Variants in GRIA1 observed in about 807,000 individuals in gnomAD.
GRIA1 encodes glutamate receptor 1.
GRIA1 carries 31 observed loss-of-function variants against 99.2 expected under a neutral mutation model. The observed-to-expected ratio is 0.31, with a 90% CI of 0.23 to 0.42. GRIA1 has a LOEUF of 0.42. GRIA1 is among the 10% of genes least tolerant of loss of function. The pLI is 1.00. For missense variants in GRIA1, 782 were observed against 1,157.5 expected (o/e 0.68, Z 4.71); for synonymous variants, 438 against 432.4 (o/e 1.01, Z -0.16).
At chr5:153,545,932 T>C (rs576236090) in intron 2 of GRIA1, among the ~76,000 whole-genome samples, 4 of 152,346 alleles carry the variant, frequency 2.6e-5, no homozygotes, top group Admixed American at 2.6e-4. Flanking sequence ...TTAGCAAATA[T>C]GTCCTCATCA....
intron 4 of GRIA1, among the ~76,000 whole-genome samples, chr5:153,653,512 A>G (rs946294247): frequency 2.0e-5 from 3 of 152,234 alleles, no homozygotes; most frequent in Non-Finnish European, 4.4e-5. Context: ...ATTAGAATAT[A>G]ATACTTTATC....
intron 2 of GRIA1, among the ~76,000 whole-genome samples, chr5:153,508,256 A>G (rs1024493513): frequency 1.3e-5 from 2 of 152,200 alleles, no homozygotes; most frequent in African/African-American, 2.4e-5. Context: ...GAGACATTCT[A>G]TATCTGTGCT....
At chr5:153,564,266 A>G (rs1261354417) in intron 2 of GRIA1, among the ~76,000 whole-genome samples, 2 of 152,164 alleles carry the variant, frequency 1.3e-5, no homozygotes, top group East Asian at 3.9e-4. Flanking sequence ...GAGTCTTCAG[A>G]TGGTGCAGCC....
intron 2 of GRIA1, among the ~76,000 whole-genome samples, chr5:153,528,168 C>T (rs1757777820): frequency 6.6e-6 from 1 of 152,062 alleles, no homozygotes; most frequent in Non-Finnish European, 1.5e-5. Context: ...TTATGTTTCT[C>T]AAAACATATA....
At chr5:153,597,899 C>T (rs1470401818) in intron 2 of GRIA1, among the ~76,000 whole-genome samples, 2 of 151,678 alleles carry the variant, frequency 1.3e-5, no homozygotes, top group Non-Finnish European at 2.9e-5. Flanking sequence ...GTAGTCCCAT[C>T]TACTCAGGAG....
At chr5:153,566,099 A>G (rs755849251) in intron 2 of GRIA1, among the ~76,000 whole-genome samples, 2 of 152,006 alleles carry the variant, frequency 1.3e-5, no homozygotes, top group Non-Finnish European at 2.9e-5. Flanking sequence ...CCAGCAATAT[A>G]TGAGGGTTTC....
rs576404229 is a variant in GRIA1, at chr5:153,590,362, C to T, written c.221-56566C>T. Among the ~76,000 whole-genome samples, 6 of 152,184 alleles carry T rather than the reference C, an allele frequency of 3.9e-5. No homozygotes were observed. The South Asian group carries it at 1.0e-3, about 26-fold the overall frequency. ...AGAATGGCAGATATGGAAACAGCAG[C>T]TTTGCAGGTAAGAGTAAAATACTGA... On this transcript the variant is annotated intron_variant, in intron 2 of 15. Coordinates refer to ENST00000285900, the MANE Select transcript of GRIA1 (RefSeq NM_000827.4).
chr5:153,499,987 A>G (rs1415868182), intron 2 of GRIA1, among the ~76,000 whole-genome samples: 2 of 152,154 alleles, frequency 1.3e-5, no homozygotes, highest in Non-Finnish European at 2.9e-5. Flanking sequence ...GCAGATGTCT[A>G]CATTTCTCTG....
At chr5:153,543,059 A>G (rs1212476262) in intron 2 of GRIA1, among the ~76,000 whole-genome samples, 3 of 152,200 alleles carry the variant, frequency 2.0e-5, no homozygotes, top group African/African-American at 7.2e-5. Context: ...CATAACTAGT[A>G]AATGTTTTGC....
Position 153,490,861 on chromosome 5 carries a change from C to A in GRIA1, c.-28C>A. 1 of 1,550,214 alleles carries A rather than the reference C, an allele frequency of 6.5e-7. No homozygotes were observed. The highest frequency in any genetic ancestry group is 8.9e-7 in the Non-Finnish European group (1 of 1,121,890). ...CACCAAATCTATGATTGGACCTGGG[C>A]TTCTTTTTCGCCAATGCAAAAAGGA... On this transcript the variant is annotated 5_prime_UTR_variant, in exon 1 of 16. Transcript: ENST00000285900.
chr5:153,505,005 G>T (rs967868655), intron 2 of GRIA1, among the ~76,000 whole-genome samples: 1 of 152,098 alleles, frequency 6.6e-6, no homozygotes, highest in African/African-American at 2.4e-5. Context: ...CTAGTTTTTG[G>T]CAGGAACGAA....
intron 13 of GRIA1, among the ~76,000 whole-genome samples, chr5:153,781,082 G>A (rs749123687): frequency 6.6e-6 from 1 of 152,088 alleles, no homozygotes; most frequent in Non-Finnish European, 1.5e-5. Context: ...TTTGTGAATG[G>A]TCCCACAGGC....
At chr5:153,727,274 A>G (rs1561805850) in intron 11 of GRIA1, among the ~76,000 whole-genome samples, 2 of 152,136 alleles carry the variant, frequency 1.3e-5, no homozygotes, top group Non-Finnish European at 2.9e-5. Context: ...CCCACAGCCA[A>G]TATCATACTG....
intron 7 of GRIA1, among the ~76,000 whole-genome samples, chr5:153,678,633 T>C (rs554661722): frequency 2.2e-4 from 33 of 152,316 alleles, no homozygotes; most frequent in African/African-American, 7.2e-4. Flanking sequence ...CAGATTCTGT[T>C]TGCAATGTGA....
intron 11 of GRIA1, among the ~76,000 whole-genome samples, chr5:153,732,889 A>G (rs1483362873): frequency 1.4e-5 from 2 of 141,428 alleles, no homozygotes; most frequent in Non-Finnish European, 3.1e-5. Flanking sequence ...TCTTCAGCTG[A>G]TTTTTTGTGC....
intron 2 of GRIA1, among the ~76,000 whole-genome samples, chr5:153,506,682 C>A (rs1755537631): frequency 6.6e-6 from 1 of 152,146 alleles, no homozygotes; most frequent in Non-Finnish European, 1.5e-5. Flanking sequence ...TCACTCCAGA[C>A]ACTGAAAAGC....
chr5:153,712,219 T>C (rs569297121), intron 11 of GRIA1, among the ~76,000 whole-genome samples: 1 of 152,164 alleles, frequency 6.6e-6, no homozygotes, highest in East Asian at 1.9e-4. Flanking sequence ...GCCCAGCTAA[T>C]TGTTGTATTT....
intron 2 of GRIA1, among the ~76,000 whole-genome samples, chr5:153,534,445 C>T (rs1167502042): frequency 6.6e-6 from 1 of 152,138 alleles, no homozygotes; most frequent in African/African-American, 2.4e-5. Flanking sequence ...GCAAAACGGC[C>T]AACTAAGGTA....
intron 5 of GRIA1, among the ~76,000 whole-genome samples, chr5:153,667,221 G>A (rs1337490675): frequency 1.3e-5 from 2 of 152,152 alleles, no homozygotes; most frequent in East Asian, 1.9e-4. Flanking sequence ...AGTGTCCCAG[G>A]ATTTGTTTAA....
Sources: gnomAD v4.1 joint callset for allele counts (sites outside exome capture counted in the v4.1 genomes callset) on GRCh38, gnomAD v4.1.1 for gene constraint, MANE v1.5 for transcripts, NCBI Gene and HGNC (gene_info 2026-07-23, HGNC 2026-07-21) for gene names.